The following CDH13 variants were observed in gnomAD, a reference collection of about 807,000 sequenced individuals.
CDH13 encodes the protein cadherin 13.
A neutral mutation model predicts 63.8 loss-of-function variants in CDH13; 24 were observed. That is an observed-to-expected ratio of 0.38 (90% confidence interval 0.27 to 0.53). CDH13 has a LOEUF of 0.53. Ranked by LOEUF, CDH13 falls within the 20% of genes least tolerant of loss-of-function variation. CDH13 has a pLI of 0.85. For missense variants in CDH13, 1,049 were observed against 903.1 expected (o/e 1.16, Z -2.07); for synonymous variants, 503 against 355.3 (o/e 1.42, Z -4.67).
At chr16:82,660,663 A>G (rs1004417751) in intron 1 of CDH13, among the ~76,000 whole-genome samples, 1 of 152,216 alleles carries the variant, frequency 6.6e-6, no homozygotes, top group Non-Finnish European at 1.5e-5. Flanking sequence ...CCTGGGACCA[A>G]AGACCCTAGA....
At chr16:83,117,355 G>GCCT (rs1320648662) in intron 3 of CDH13, among the ~76,000 whole-genome samples, 1 of 152,026 alleles carries the variant, frequency 6.6e-6, no homozygotes, top group African/African-American at 2.4e-5. Flanking sequence ...TGCTGGCAGT[G>GCCT]CCTCCTCCTC....
chr16:83,511,430 G>C lies in CDH13; in HGVS notation c.960+24775G>C, dbSNP rs141608840. ...TGAGCTGAGATCACGCCACTGCACA[G>C]CAGCCTGGGGGACAGAGTGAGATTC... On this transcript the variant is annotated intron_variant, in intron 7 of 13. Transcript: ENST00000567109. 9.3e-3 allele frequency among the ~76,000 whole-genome samples: 1,416 copies of C among 151,564 alleles called. 31 individuals are homozygous for C. Among genetic ancestry groups the C allele is most frequent in the African/African-American group, 0.033 (1,370 of 41,240 alleles).
chr16:83,465,789 G>A lies in CDH13; in HGVS notation c.782-20688G>A, dbSNP rs567656375. 3.9e-5 allele frequency among the ~76,000 whole-genome samples: 6 copies of A among 152,226 alleles called. No homozygotes were observed. The South Asian group carries it at 8.3e-4, about 21-fold the overall frequency. On this transcript the variant is annotated intron_variant, in intron 6 of 13. Coordinates refer to ENST00000567109, the MANE Select transcript of CDH13 (RefSeq NM_001257.5). ...TCTTCTGGTTTCATTCTTCACTCTGGCAGTCAGCACAATTCACAGGTGTAT... is the reference window on the plus strand; with the variant it reads ...TCTTCTGGTTTCATTCTTCACTCTGACAGTCAGCACAATTCACAGGTGTAT...
At chr16:83,059,686 A>C (rs2031318659) in intron 3 of CDH13, among the ~76,000 whole-genome samples, 1 of 151,834 alleles carries the variant, frequency 6.6e-6, no homozygotes, top group South Asian at 2.1e-4. Context: ...TCCATGACAC[A>C]CATCACATCT....
chr16:83,406,206 T>A (rs2092042151), intron 6 of CDH13, among the ~76,000 whole-genome samples: 1 of 152,190 alleles, frequency 6.6e-6, no homozygotes, highest in Non-Finnish European at 1.5e-5. Context: ...AGGTCCCCAG[T>A]AGGACTGAGC....
intron 1 of CDH13, among the ~76,000 whole-genome samples, chr16:82,812,776 TTC>T (rs1284735518): frequency 6.6e-6 from 1 of 152,144 alleles, no homozygotes; most frequent in African/African-American, 2.4e-5. Context: ...TTTTTTTTCT[TTC>T]TTTTTTATTT....
chr16:83,069,633 T>A (rs921648669), intron 3 of CDH13, among the ~76,000 whole-genome samples: 10 of 152,156 alleles, frequency 6.6e-5, no homozygotes, highest in African/African-American at 2.4e-4. Context: ...CCATGCTGCC[T>A]CTCAGAAAGA....
chr16:83,349,072 T>G (rs1056714964), intron 6 of CDH13, among the ~76,000 whole-genome samples: 1 of 152,162 alleles, frequency 6.6e-6, no homozygotes, highest in East Asian at 1.9e-4. Context: ...AGGAGACCAT[T>G]CCGGCTGCTC....
At chr16:82,912,718 C>T (rs1004470542) in intron 2 of CDH13, among the ~76,000 whole-genome samples, 10 of 152,058 alleles carry the variant, frequency 6.6e-5, no homozygotes, top group Admixed American at 1.3e-4. Context: ...CCGAGGTGGG[C>T]GGATCACGAG....
chr16:82,725,308 A>G (rs1467296225), intron 1 of CDH13, among the ~76,000 whole-genome samples: 1 of 152,170 alleles, frequency 6.6e-6, no homozygotes, highest in Non-Finnish European at 1.5e-5. Flanking sequence ...TCACCAAACC[A>G]GGTTTGTGGC....
intron 1 of CDH13, among the ~76,000 whole-genome samples, chr16:82,782,566 A>G (rs2035811842): frequency 6.8e-6 from 1 of 146,252 alleles, no homozygotes; most frequent in South Asian, 2.2e-4. Flanking sequence ...AAAAAAAAAA[A>G]TAATAATAAA....
intron 4 of CDH13, among the ~76,000 whole-genome samples, chr16:83,199,232 T>C (rs1440058021): frequency 6.6e-6 from 1 of 152,238 alleles, no homozygotes; most frequent in Non-Finnish European, 1.5e-5. Context: ...GCTTGGGATG[T>C]GAGCATGCTT....
At chr16:83,272,200 T>C (rs1478534908) in intron 5 of CDH13, among the ~76,000 whole-genome samples, 1 of 152,200 alleles carries the variant, frequency 6.6e-6, no homozygotes, top group East Asian at 1.9e-4. Flanking sequence ...AACTATATTC[T>C]AGTGAGGGAG....
At chr16:83,033,663 T>C (rs181168554) in intron 3 of CDH13, among the ~76,000 whole-genome samples, 132 of 152,330 alleles carry the variant, frequency 8.7e-4, no homozygotes, top group African/African-American at 3.1e-3. Flanking sequence ...CCCACACATA[T>C]GCATACACTT....
At chr16:83,301,163 C>G (rs569400242) in intron 5 of CDH13, among the ~76,000 whole-genome samples, 29 of 150,028 alleles carry the variant, frequency 1.9e-4, no homozygotes, top group South Asian at 4.3e-4. Flanking sequence ...TCCCAAGTAG[C>G]TGGGACTACA....
In CDH13 at chr16:83,685,209, A is replaced by G. The variant is rs184821683; in HGVS notation, c.1538+6748A>G. 1.5e-3 allele frequency among the ~76,000 whole-genome samples: 226 copies of G among 152,334 alleles called. 2 individuals are homozygous for G. The highest frequency in any genetic ancestry group is 5.1e-3 in the African/African-American group (210 of 41,584). ...CTAGCTGCAAGGGATTATGGGAAGT[A>G]TGGTCATTTGACTGGGAAGCAATGT... On this transcript the variant is annotated intron_variant, in intron 10 of 13. Transcript: ENST00000567109.
At chr16:83,405,871 T>A (rs1399575401) in intron 6 of CDH13, among the ~76,000 whole-genome samples, 1 of 98,702 alleles carries the variant, frequency 1.0e-5, no homozygotes, top group Non-Finnish European at 2.3e-5. Context: ...GGAGGAAATA[T>A]AGCTGCTTAG....
At position 82,807,840 on chromosome 16, in the gene CDH13, T is replaced by C. The variant is rs190017722; in HGVS notation, c.46-50522T>C. Among the ~76,000 whole-genome samples the C allele has an allele frequency of 2.9e-3, 447 of 152,306 alleles. 4 individuals are homozygous for C. The highest frequency in any genetic ancestry group is 4.5e-3 in the Non-Finnish European group (306 of 68,006). ...CATAAAAATAATTACTGGGGACTTT[T>C]AACAAACTTTATTTAGGCTCTTCCA... is the stretch of plus-strand genomic sequence containing the variant. On this transcript the variant is annotated intron_variant, in intron 1 of 13. Transcript: ENST00000567109.
Position 82,759,799 on chromosome 16 carries a change from G to C in CDH13, c.46-98563G>C, listed in dbSNP as rs182380965. Among the ~76,000 whole-genome samples the C allele has an allele frequency of 1.4e-4, 21 of 152,096 alleles. No homozygotes were observed. In the East Asian group the frequency reaches 3.3e-3, roughly 24 times the overall value. On this transcript the variant is annotated intron_variant, in intron 1 of 13. Coordinates refer to ENST00000567109, the MANE Select transcript of CDH13 (RefSeq NM_001257.5). Reference sequence around the variant, plus strand: ...CTCACTTGCCAAATCCTCTGTCTTAGAAGTGCTTATTGAGTAATTCTCCCC... The same window carrying C: ...CTCACTTGCCAAATCCTCTGTCTTACAAGTGCTTATTGAGTAATTCTCCCC...
Sources: allele counts gnomAD v4.1 joint callset (sites outside exome capture counted in the v4.1 genomes callset), GRCh38; gene constraint gnomAD v4.1.1; transcripts MANE v1.5; gene names NCBI Gene and HGNC (gene_info 2026-07-23, HGNC 2026-07-21).